PLOD2: variants seen among roughly 807,000 people sequenced by gnomAD.
PLOD2 encodes the protein lysine hydroxylase 2.
In PLOD2, 65 loss-of-function variants were observed where a neutral mutation model predicts 101.0. That is an observed-to-expected ratio of 0.64 (90% CI 0.53 to 0.79). PLOD2 has a LOEUF of 0.79. PLOD2 is among the 30% of genes least tolerant of loss of function. PLOD2 has a pLI of 0.00. For synonymous variants in PLOD2, 314 were observed against 302.9 expected (o/e 1.04, Z -0.38); for missense variants, 909 against 914.6 (o/e 0.99, Z 0.08).
intron 3 of PLOD2, among the ~76,000 whole-genome samples, chr3:146,116,207 C>T (rs1237094103): frequency 1.3e-5 from 2 of 151,906 alleles, no homozygotes; most frequent in African/African-American, 2.4e-5. Context: ...TATGGATCCA[C>T]TCCTAACCAC....
intron 2 of PLOD2, among the ~76,000 whole-genome samples, chr3:146,122,799 G>A (rs971457433): frequency 6.6e-6 from 1 of 152,018 alleles, no homozygotes; most frequent in African/African-American, 2.4e-5. Flanking sequence ...TACCTTACAT[G>A]GTTCATATAG....
At chr3:146,121,491 C>T (rs1559860382) in intron 2 of PLOD2, among the ~76,000 whole-genome samples, 2 of 152,032 alleles carry the variant, frequency 1.3e-5, no homozygotes, top group African/African-American at 4.8e-5. Flanking sequence ...GAGTCTAATC[C>T]AAGGAAGTAG....
intron 12 of PLOD2, among the ~76,000 whole-genome samples, chr3:146,081,158 T>G (rs1442856501): frequency 1.3e-5 from 2 of 152,154 alleles, no homozygotes; most frequent in Non-Finnish European, 2.9e-5. Flanking sequence ...TTTTTAGTAA[T>G]CAACCATTGT....
Position 146,070,751 on chromosome 3 carries a change from GTT to G in PLOD2, c.2241_2242del (p.Thr748LysfsTer26). On this transcript the variant is annotated frameshift_variant, in exon 20 of 20. Transcript: ENST00000282903. LOFTEE classifies it high-confidence loss of function. Reference sequence around the variant, plus strand: ...TATAAATGACACTGCAATGTATCTTGTTCCATTTTTAACAGGAAGTCCTTCAT... The same window carrying G: ...TATAAATGACACTGCAATGTATCTTGCCATTTTTAACAGGAAGTCCTTCAT... 1 of 1,607,888 alleles carries G rather than the reference GTT, an allele frequency of 6.2e-7. No homozygotes were observed. The highest frequency in any genetic ancestry group is 8.5e-7 in the Non-Finnish European group (1 of 1,175,110).
chr3:146,112,126 G>A (rs1483285508), intron 3 of PLOD2, among the ~76,000 whole-genome samples: 2 of 152,168 alleles, frequency 1.3e-5, no homozygotes, highest in Non-Finnish European at 2.9e-5. Context: ...AATGCCATTT[G>A]ACCCAGCAAT....
intron 7 of PLOD2, among the ~76,000 whole-genome samples, chr3:146,096,978 C>T (rs1404911998): frequency 1.4e-5 from 2 of 144,634 alleles, no homozygotes; most frequent in Non-Finnish European, 3.1e-5. Context: ...GCCCGGCCAG[C>T]CGCCCCGGCC....
At chr3:146,085,461 G>C (rs536445349) in intron 10 of PLOD2, 188 bp from the exon 11 acceptor site, 3 of 568,666 alleles carry the variant, frequency 5.3e-6, no homozygotes, top group Non-Finnish European at 9.4e-6. Flanking sequence ...AATTTAACAC[G>C]GATATTCACA....
At chr3:146,079,005 T>C in intron 13 of PLOD2, 111 bp downstream of exon 13, 1 of 1,080,396 alleles carries the variant, frequency 9.3e-7, no homozygotes, top group Non-Finnish European at 1.4e-6. Context: ...AAAAATTGGC[T>C]AGTACTTACA....
At chr3:146,079,376 C>A in intron 12 of PLOD2, 119 bp from the exon 13 acceptor site, 1 of 721,420 alleles carries the variant, frequency 1.4e-6, no homozygotes, top group Non-Finnish European at 2.4e-6. Context: ...ATTATTGAAT[C>A]AACATACAAA....
At chr3:146,152,844 G>A (rs987672087) in intron 1 of PLOD2, among the ~76,000 whole-genome samples, 3 of 152,158 alleles carry the variant, frequency 2.0e-5, no homozygotes, top group Non-Finnish European at 4.4e-5. Context: ...TGCTTTGTAA[G>A]TCTGTTCATT....
At chr3:146,125,080 T>G (rs966243379) in intron 1 of PLOD2, among the ~76,000 whole-genome samples, 3 of 112,580 alleles carry the variant, frequency 2.7e-5, no homozygotes, top group African/African-American at 1.0e-4. Flanking sequence ...CCAAAAGGGC[T>G]GGAACATTTT....
At chr3:146,115,032 G>C (rs1937839690) in intron 3 of PLOD2, among the ~76,000 whole-genome samples, 1 of 152,146 alleles carries the variant, frequency 6.6e-6, no homozygotes, top group Admixed American at 6.5e-5. Context: ...AAAAAAACTT[G>C]CTGGTTTTGC....
chr3:146,107,426 A>G (rs1382533172), intron 4 of PLOD2, among the ~76,000 whole-genome samples: 1 of 152,226 alleles, frequency 6.6e-6, no homozygotes, highest in Non-Finnish European at 1.5e-5. Context: ...TTGACATTCA[A>G]TACTTTTAAA....
intron 12 of PLOD2, among the ~76,000 whole-genome samples, chr3:146,080,924 C>T (rs540553278): frequency 1.3e-5 from 2 of 152,222 alleles, no homozygotes; most frequent in African/African-American, 2.4e-5. Context: ...CATCTTTTTA[C>T]CACTCAACTG....
intron 7 of PLOD2, among the ~76,000 whole-genome samples, chr3:146,093,777 A>G (rs1937057843): frequency 2.6e-5 from 4 of 152,216 alleles, no homozygotes; most frequent in Admixed American, 2.6e-4. Context: ...GTTATTGATC[A>G]GTCTACTAGA....
At position 146,124,120 on chromosome 3, in the gene PLOD2, T is replaced by C. The variant is rs1373624647; in HGVS notation, c.201+18A>G. 5 of 1,285,922 alleles carry C rather than the reference T, an allele frequency of 3.9e-6. No homozygotes were observed. Among genetic ancestry groups the C allele is most frequent in the Non-Finnish European group, 4.5e-6 (4 of 882,142 alleles). 79.7% of individuals were successfully genotyped at this position (1,285,922 alleles called of 1,614,324 possible). A position where few individuals can be genotyped will look rare whatever the true frequency, so the allele number is the denominator to read the frequency against. The stretch of plus-strand genomic sequence containing the variant: ...GCACACATTATAGGATCTTCATAGG[T>C]TAAAGGATATACCATACCTTCACAG... On this transcript the variant is annotated intron_variant, in intron 2 of 19. Transcript: ENST00000282903.
At chr3:146,140,693 T>G (rs899140980) in intron 1 of PLOD2, among the ~76,000 whole-genome samples, 1 of 152,146 alleles carries the variant, frequency 6.6e-6, no homozygotes, top group African/African-American at 2.4e-5. Flanking sequence ...CCATGGTGCC[T>G]TTCAACTTTC....
chr3:146,088,499 T>C (rs1936861998), intron 9 of PLOD2, 87 bp downstream of exon 9: 1 of 956,876 alleles, frequency 1.0e-6, no homozygotes, highest in Non-Finnish European at 1.6e-6. Context: ...CTTAACCCAA[T>C]GAATTTTATT....
Position 146,161,180 on chromosome 3 carries a change from G to A in PLOD2, c.-191C>T. 1 of 375,908 alleles carries A rather than the reference G, an allele frequency of 2.7e-6. No individual in the cohort carries two copies. 23.3% of individuals were successfully genotyped at this position (375,908 alleles called of 1,614,324 possible). A position where few individuals can be genotyped will look rare whatever the true frequency, so the allele number is the denominator to read the frequency against. On this transcript the variant is annotated 5_prime_UTR_variant, in exon 1 of 20. Coordinates refer to ENST00000282903, the MANE Select transcript of PLOD2 (RefSeq NM_182943.3). ...GTGAGGTCGTCGGTGGAGGCACGGA[G>A]CAGCAGGCGCCCGGGGCGCTGCGGA...
Sources: gnomAD v4.1 joint callset for allele counts (sites outside exome capture counted in the v4.1 genomes callset) on GRCh38, gnomAD v4.1.1 for gene constraint, MANE v1.5 for transcripts, NCBI Gene and HGNC (gene_info 2026-07-23, HGNC 2026-07-21) for gene names.